Variants in TNKS observed in about 807,000 individuals in gnomAD.
The protein encoded by TNKS is poly [ADP-ribose] polymerase tankyrase-1.
TNKS carries 72 observed loss-of-function variants against 135.8 expected under a neutral mutation model. That is an observed-to-expected ratio of 0.53 (90% CI 0.44 to 0.64). TNKS has a LOEUF of 0.64. Among genes scored for constraint, TNKS ranks in the 30% least tolerant of loss-of-function variants. TNKS has a pLI of 0.00. For synonymous variants in TNKS, 849 were observed against 649.3 expected (o/e 1.31, Z -4.68); for missense variants, 1,769 against 1,674.0 (o/e 1.06, Z -0.99).
chr8:9,742,601 C>A (rs994039949), intron 17 of TNKS, among the ~76,000 whole-genome samples: 1 of 151,522 alleles, frequency 6.6e-6, no homozygotes, highest in African/African-American at 2.4e-5. Flanking sequence ...CTCACTTCTG[C>A]AATCTCAGCA....
chr8:9,762,864 C>G (rs1462275885), intron 21 of TNKS, among the ~76,000 whole-genome samples: 2 of 149,662 alleles, frequency 1.3e-5, no homozygotes, highest in African/African-American at 4.9e-5. Flanking sequence ...GAGATCACGT[C>G]ACTGCACTCC....
intron 3 of TNKS, among the ~76,000 whole-genome samples, chr8:9,616,572 A>T (rs1011325235): frequency 2.6e-5 from 4 of 152,200 alleles, no homozygotes; most frequent in African/African-American, 9.7e-5. Context: ...TTTAGAGTCC[A>T]TGGTGTGAAA....
At position 9,687,015 on chromosome 8, in the gene TNKS, T is replaced by C. The variant is rs1803033727; in HGVS notation, c.1107+6215T>C. Among the ~76,000 whole-genome samples, 6 of 152,220 alleles carry C rather than the reference T, an allele frequency of 3.9e-5. 2 individuals are homozygous for C. In the South Asian group the frequency reaches 1.0e-3, roughly 26 times the overall value. ...CAGAATTGAATTTCCTAAGTGACTG[T>C]ATCCTCACACTGGATAGAACACTGA... is the stretch of plus-strand genomic sequence containing the variant. On this transcript the variant is annotated intron_variant, in intron 5 of 26. Transcript: ENST00000310430.
At chr8:9,689,377 T>C (rs570884357) in intron 5 of TNKS, among the ~76,000 whole-genome samples, 21 of 152,282 alleles carry the variant, frequency 1.4e-4, no homozygotes, top group African/African-American at 5.1e-4. Context: ...GAGTAAAGCT[T>C]CAAGAAAGCA....
intron 3 of TNKS, among the ~76,000 whole-genome samples, chr8:9,664,463 A>C (rs1178222474): frequency 6.6e-6 from 1 of 152,192 alleles, no homozygotes; most frequent in Non-Finnish European, 1.5e-5. Flanking sequence ...CACCTCCAAC[A>C]TTGGGCATCC....
intron 5 of TNKS, among the ~76,000 whole-genome samples, chr8:9,685,170 T>G (rs1397552191): frequency 6.6e-6 from 1 of 152,152 alleles, no homozygotes; most frequent in Admixed American, 6.5e-5. Context: ...AAAACTACTT[T>G]CAAAAGGAAA....
chr8:9,560,460 C>G (rs1797278723), intron 1 of TNKS, among the ~76,000 whole-genome samples: 1 of 116,412 alleles, frequency 8.6e-6, no homozygotes, highest in Non-Finnish European at 1.7e-5. Flanking sequence ...ATTCCTGACT[C>G]TTCTCTAGAT....
Position 9,751,809 on chromosome 8 carries a change from G to T in TNKS, c.3033G>T (p.Gly1011=), listed in dbSNP as rs1244902999. ...ELAVGGASNA[G]DGAAGTERKE... is the part of the protein sequence containing the mutation. ...CCGTAGGAGGAGCCTCCAATGCAGGGGATGGCGCCGCGGGAACAGAAAGGA... is the reference window on the plus strand; with the variant it reads ...CCGTAGGAGGAGCCTCCAATGCAGGTGATGGCGCCGCGGGAACAGAAAGGA... The change falls in exon 19 of 27, where the codon GGG becomes GGT. Residue 1011 remains glycine, a synonymous_variant. Coordinates refer to ENST00000310430, the MANE Select transcript of TNKS (RefSeq NM_003747.3). 1.9e-6 allele frequency: 3 copies of T among 1,614,156 alleles called. No individual in the cohort carries two copies. In the Admixed American group the frequency reaches 5.0e-5, roughly 27 times the overall value.
chr8:9,585,251 C>G (rs1798326594), intron 2 of TNKS, among the ~76,000 whole-genome samples: 1 of 150,324 alleles, frequency 6.7e-6, no homozygotes, highest in East Asian at 1.9e-4. Flanking sequence ...TGTACAGAGA[C>G]AAATGTTGAA....
At chr8:9,622,273 G>C (rs964352201) in intron 3 of TNKS, among the ~76,000 whole-genome samples, 1 of 152,130 alleles carries the variant, frequency 6.6e-6, no homozygotes, top group Non-Finnish European at 1.5e-5. Context: ...TTTATTAGCA[G>C]CAGGTATTTG....
chr8:9,634,210 T>C (rs922123735), intron 3 of TNKS, among the ~76,000 whole-genome samples: 2 of 151,696 alleles, frequency 1.3e-5, no homozygotes, highest in Admixed American at 6.6e-5. Context: ...AGACATTAAG[T>C]AGACCATGCC....
chr8:9,690,698 G>GTAAA (rs111694196), intron 5 of TNKS, among the ~76,000 whole-genome samples: 159 of 151,930 alleles, frequency 1.0e-3, no homozygotes, highest in Non-Finnish European at 1.7e-3. Flanking sequence ...ATGTAAGTAA[G>GTAAA]TAAATAAATA....
chr8:9,722,518 A>C (rs1201692450), intron 12 of TNKS: 4 of 151,816 alleles, frequency 2.6e-5, no homozygotes, highest in African/African-American at 7.3e-5. Flanking sequence ...CCAGCTGAAC[A>C]AATGAAATTT....
chr8:9,718,458 G>A (rs1804716168), intron 11 of TNKS, among the ~76,000 whole-genome samples: 2 of 152,152 alleles, frequency 1.3e-5, no homozygotes, highest in African/African-American at 2.4e-5. Context: ...GAATATTGAA[G>A]GATTCCCCTC....
intron 12 of TNKS, among the ~76,000 whole-genome samples, chr8:9,720,759 A>C (rs1804836944): frequency 6.6e-6 from 1 of 152,120 alleles, no homozygotes; most frequent in Non-Finnish European, 1.5e-5. Context: ...TTTTAGGTTT[A>C]AATTGAAAAC....
chr8:9,746,912 T>G (rs1459651034), intron 17 of TNKS, among the ~76,000 whole-genome samples: 2 of 128,290 alleles, frequency 1.6e-5, no homozygotes, highest in Non-Finnish European at 1.6e-5. Context: ...AGACGGAGCC[T>G]TGCTCTGGTA....
chr8:9,611,185 G>T (rs1040765230), intron 2 of TNKS, among the ~76,000 whole-genome samples: 18 of 152,176 alleles, frequency 1.2e-4, no homozygotes, highest in Admixed American at 2.6e-4. Context: ...GATGAATAGA[G>T]CTGAGACGCA....
intron 3 of TNKS, among the ~76,000 whole-genome samples, chr8:9,643,573 A>G (rs1041307872): frequency 1.3e-5 from 2 of 152,144 alleles, no homozygotes; most frequent in Non-Finnish European, 2.9e-5. Context: ...CATTCAATCC[A>G]TAGCAGCTAC....
chr8:9,747,991 C>G (rs1227202865), intron 17 of TNKS, 33 bp from the exon 18 acceptor site: 6 of 1,572,656 alleles, frequency 3.8e-6, no homozygotes, highest in Non-Finnish European at 4.3e-6. Flanking sequence ...TGATCTCATT[C>G]TTAACTCTTT....
Sources: allele counts gnomAD v4.1 joint callset (sites outside exome capture counted in the v4.1 genomes callset), GRCh38; gene constraint gnomAD v4.1.1; transcripts MANE v1.5; gene names NCBI Gene and HGNC (gene_info 2026-07-23, HGNC 2026-07-21).